DNA2: variants seen among roughly 807,000 people sequenced by gnomAD.
DNA2 encodes DNA replication ATP-dependent helicase/nuclease DNA2.
DNA2 carries 101 observed loss-of-function variants against 119.1 expected under a neutral mutation model. The ratio of observed to expected loss-of-function variants is 0.85; its 90% CI spans 0.72 to 1.00. The LOEUF is 1.00. Among genes scored for constraint, DNA2 ranks in the 50% least tolerant of loss-of-function variants. The pLI is 0.00. For synonymous variants in DNA2, 366 were observed against 424.4 expected (o/e 0.86, Z 1.69); for missense variants, 1,121 against 1,255.5 (o/e 0.89, Z 1.62).
chr10:68,417,250 AAAG>A (rs1199244208), intron 19 of DNA2, among the ~76,000 whole-genome samples: 4 of 152,030 alleles, frequency 2.6e-5, no homozygotes, highest in Non-Finnish European at 4.4e-5. Context: ...AAAAAAAAAA[AAAG>A]GAGACTATCT....
At chr10:68,424,051 T>A (rs2051702065) in intron 14 of DNA2, among the ~76,000 whole-genome samples, 1 of 152,110 alleles carries the variant, frequency 6.6e-6, no homozygotes, top group South Asian at 2.1e-4. Context: ...AACACCAGAA[T>A]GACAGAGAGG....
rs1457493466 is a variant in DNA2, at chr10:68,432,217, C to T, written c.1862G>A (p.Cys621Tyr). 1 of 1,579,680 alleles carries T rather than the reference C, an allele frequency of 6.3e-7. No individual in the cohort carries two copies. The change falls in exon 12 of 21, where the codon TGC becomes TAC. Residue 621 changes from cysteine (C) to tyrosine (Y), a missense_variant. Physicochemically the swap from Cys to Tyr is radical, Grantham distance 194. Transcript: ENST00000358410. Reference sequence around the variant, plus strand: ...TGATTTTAGCATACCCTTTAGAATGCAGGCAACTGTATCCTTTGCATCATG... The same window carrying T: ...TGATTTTAGCATACCCTTTAGAATGTAGGCAACTGTATCCTTTGCATCATG... ...LPHDAKDTVA[C>Y]ILKGLNKPQR...
intron 14 of DNA2, among the ~76,000 whole-genome samples, chr10:68,429,020 T>C (rs1008515568): frequency 6.6e-6 from 1 of 152,132 alleles, no homozygotes; most frequent in Non-Finnish European, 1.5e-5. Context: ...CAAAGTAAAA[T>C]GTTTAATTTA....
intron 5 of DNA2, among the ~76,000 whole-genome samples, chr10:68,458,471 T>G (rs992341574): frequency 2.7e-5 from 4 of 149,534 alleles, no homozygotes; most frequent in Non-Finnish European, 5.9e-5. Context: ...GAGGCGGAGG[T>G]TGCAGTAAGC....
intron 10 of DNA2, 28 bp downstream of exon 10, chr10:68,436,983 G>T: frequency 6.5e-7 from 1 of 1,529,378 alleles, no homozygotes; most frequent in Non-Finnish European, 9.0e-7. Flanking sequence ...CAATAAAGCT[G>T]TTATCAAAAA....
At chr10:68,465,368 T>G (rs1433410782) in intron 4 of DNA2, among the ~76,000 whole-genome samples, 1 of 152,100 alleles carries the variant, frequency 6.6e-6, no homozygotes, top group African/African-American at 2.4e-5. Context: ...CCCATATAAT[T>G]CTCAGTATAT....
At chr10:68,429,728 A>G (rs1005823905) in intron 14 of DNA2, among the ~76,000 whole-genome samples, 13 of 147,798 alleles carry the variant, frequency 8.8e-5, no homozygotes, top group African/African-American at 3.0e-4. Context: ...AAAAAAAAAA[A>G]AAAGAAAAAA....
intron 9 of DNA2, among the ~76,000 whole-genome samples, chr10:68,439,838 C>CAAAA (rs371354812): frequency 1.6e-5 from 2 of 122,744 alleles, no homozygotes; most frequent in African/African-American, 6.1e-5. Context: ...AATTCTGTCT[C>CAAAA]AAAAAAAAAA....
chr10:68,460,414 C>A (rs1007842789), intron 4 of DNA2, among the ~76,000 whole-genome samples: 1 of 149,284 alleles, frequency 6.7e-6, no homozygotes, highest in Non-Finnish European at 1.5e-5. Flanking sequence ...TGACCTAATA[C>A]GGTAATTTTT....
rs186265819 is a variant in DNA2, at chr10:68,444,352, C to T, written c.1220+569G>A. Among the ~76,000 whole-genome samples, 363 of 149,704 alleles carry T rather than the reference C, an allele frequency of 2.4e-3. 3 individuals are homozygous for T. Among genetic ancestry groups the T allele is most frequent in the African/African-American group, 8.4e-3 (340 of 40,638 alleles). On this transcript the variant is annotated intron_variant, in intron 8 of 20. Transcript: ENST00000358410. ...TTGCAGTGAGCCGAGATCATGCCACCGCACTCCAGCCCTAGTGACAGAGTG... is the reference window on the plus strand; with the variant it reads ...TTGCAGTGAGCCGAGATCATGCCACTGCACTCCAGCCCTAGTGACAGAGTG...
intron 20 of DNA2, 94 bp downstream of exon 20, chr10:68,416,615 T>C (rs2051592531): frequency 3.8e-6 from 5 of 1,319,300 alleles, no homozygotes; most frequent in African/African-American, 1.5e-5. Flanking sequence ...CAAGACCAGC[T>C]TAAGCAACAT....
chr10:68,424,755 C>T lies in DNA2; in HGVS notation c.2209-1865G>A. On this transcript the variant is annotated intron_variant, in intron 14 of 20. Coordinates refer to ENST00000358410, the MANE Select transcript of DNA2 (RefSeq NM_001080449.3). ...AGTTCAAGGACACTACAAAGGTCAG[C>T]AAATTGGCAAGGTAGTCCAGGTGTA... The T allele has an allele frequency of 2.0e-6, 3 of 1,476,848 alleles. No homozygotes were observed. In the South Asian group the frequency reaches 3.4e-5, roughly 17 times the overall value. 91.5% of individuals were successfully genotyped at this position (1,476,848 alleles called of 1,614,324 possible).
chr10:68,448,895 C>T (rs919693051), intron 6 of DNA2, among the ~76,000 whole-genome samples: 5 of 152,026 alleles, frequency 3.3e-5, no homozygotes, highest in South Asian at 4.2e-4. Context: ...CTCAGCCTCC[C>T]GAGTAGCTGG....
In DNA2 at chr10:68,444,725, CA is replaced by C. The variant is rs11356540; in HGVS notation, c.1220+195del. On this transcript the variant is annotated intron_variant, in intron 8 of 20. Coordinates refer to ENST00000358410, the MANE Select transcript of DNA2 (RefSeq NM_001080449.3). ...GGCCACAAGAGCAAAAAGTCCGTCT[CA>C]AAAAAAAAAAAAAAAAGAAAGAAAG... is the stretch of plus-strand genomic sequence containing the variant. 0.64 allele frequency among the ~76,000 whole-genome samples: 75,055 copies of C among 117,740 alleles called. 23,219 individuals are homozygous for C. The highest frequency in any genetic ancestry group is 0.74 in the Non-Finnish European group (41,809 of 56,476). The allele number at this position is 117,740 out of a possible 152,430, so 77.2% of individuals were successfully genotyped here.
intron 5 of DNA2, among the ~76,000 whole-genome samples, chr10:68,451,430 C>T (rs980360037): frequency 1.3e-5 from 2 of 152,088 alleles, no homozygotes; most frequent in African/African-American, 4.8e-5. Context: ...AAATAACTTA[C>T]AAACCTCCTC....
At chr10:68,418,535 G>T (rs6480329) in intron 19 of DNA2, among the ~76,000 whole-genome samples, 147,562 of 151,668 alleles carry the variant, frequency 0.97, 71,794 homozygotes, top group East Asian at 0.99. Flanking sequence ...TACATAGGTA[G>T]ACATGTGCCA....
At chr10:68,462,064 A>G (rs975236388) in intron 4 of DNA2, among the ~76,000 whole-genome samples, 1 of 152,230 alleles carries the variant, frequency 6.6e-6, no homozygotes, top group Non-Finnish European at 1.5e-5. Context: ...GCATAGATTG[A>G]TATTTTTGAA....
Position 68,422,763 on chromosome 10 carries a change from G to T in DNA2, c.2336C>A (p.Ser779Ter), listed in dbSNP as rs1564877637. 1 of 1,576,436 alleles carries T rather than the reference G, an allele frequency of 6.3e-7. No homozygotes were observed. Among genetic ancestry groups the T allele is most frequent in the African/African-American group, 1.4e-5 (1 of 72,514 alleles). ...GTCCCCCACTAACACAAATCTCCGT[G>T]AAAAAAAAAGGGGGCCCAGACAAAT... ...QPICLGPLFF[S>*]RRFVLVGDHQ... The change falls in exon 15 of 21, where the codon TCA (serine) becomes TAA (stop). Residue 779 changes from serine (S) to a stop codon, truncating the protein, a stop_gained. Transcript: ENST00000358410. LOFTEE classifies it high-confidence loss of function.
intron 17 of DNA2, among the ~76,000 whole-genome samples, chr10:68,421,816 CTT>C (rs532516397): frequency 2.9e-5 from 4 of 136,930 alleles, no homozygotes; most frequent in African/African-American, 1.2e-4. Flanking sequence ...TTAGTTTTGC[CTT>C]TTTTTTTCCC....
Sources: allele counts gnomAD v4.1 joint callset (sites outside exome capture counted in the v4.1 genomes callset), GRCh38; gene constraint gnomAD v4.1.1; transcripts MANE v1.5; gene names NCBI Gene and HGNC (gene_info 2026-07-23, HGNC 2026-07-21).